CACNA1E: variants seen among roughly 807,000 people sequenced by gnomAD.
CACNA1E encodes the protein voltage-dependent R-type calcium channel subunit alpha-1E.
CACNA1E carries 40 observed loss-of-function variants against 259.2 expected under a neutral mutation model. The observed-to-expected ratio is 0.15, with a 90% confidence interval of 0.12 to 0.20. The LOEUF is 0.20. Among genes scored for constraint, CACNA1E ranks in the 10% least tolerant of loss-of-function variants. The probability of loss-of-function intolerance (pLI) is 1.00; values close to 1 mark genes in which losing one functional copy is unlikely to be tolerated. For missense variants in CACNA1E, 1,874 were observed against 3,040.1 expected (o/e 0.62, Z 9.02); for synonymous variants, 1,104 against 1,138.5 (o/e 0.97, Z 0.61).
chr1:181,478,288 G>A (rs2102440754), intron 2 of CACNA1E, among the ~76,000 whole-genome samples: 1 of 152,316 alleles, frequency 6.6e-6, no homozygotes, highest in Non-Finnish European at 1.5e-5. Flanking sequence ...ATAGCATGTT[G>A]GAGTGTGGGG....
intron 3 of CACNA1E, among the ~76,000 whole-genome samples, chr1:181,529,112 G>C (rs1667585018): frequency 6.6e-6 from 1 of 152,248 alleles, no homozygotes; most frequent in African/African-American, 2.4e-5. Flanking sequence ...TCCCTGTGCT[G>C]TATGCAGTTT....
intron 46 of CACNA1E, among the ~76,000 whole-genome samples, chr1:181,796,245 T>A (rs981237892): frequency 1.3e-5 from 2 of 152,194 alleles, no homozygotes; most frequent in African/African-American, 4.8e-5. Flanking sequence ...AGGATTCTTT[T>A]AGGGGCCTAT....
intron 7 of CACNA1E, among the ~76,000 whole-genome samples, chr1:181,667,335 A>T (rs997836838): frequency 6.6e-6 from 1 of 152,164 alleles, no homozygotes; most frequent in Non-Finnish European, 1.5e-5. Context: ...AGTAGGGAAG[A>T]TCACCTAGTA....
chr1:181,380,859 A>C (rs916525324), intron 1 of CACNA1E, among the ~76,000 whole-genome samples: 23 of 152,236 alleles, frequency 1.5e-4, no homozygotes, highest in African/African-American at 5.1e-4. Context: ...AATTTACCCA[A>C]GGGTAATGAA....
intron 6 of CACNA1E, among the ~76,000 whole-genome samples, chr1:181,585,021 T>C (rs2332357): frequency 0.12 from 14,037 of 120,420 alleles, 737 homozygotes; most frequent in South Asian, 0.25. Flanking sequence ...TCCCCCCCCC[T>C]GCCTCAAACA....
chr1:181,552,541 G>A (rs1648287662), intron 3 of CACNA1E, among the ~76,000 whole-genome samples: 1 of 149,594 alleles, frequency 6.7e-6, no homozygotes, highest in South Asian at 2.1e-4. Context: ...TTGTATGGAT[G>A]TGCTACAGTT....
chr1:181,556,866 A>T lies in CACNA1E; in HGVS notation c.513-20900A>T, dbSNP rs1178412422. The stretch of plus-strand genomic sequence containing the variant: ...AGAGGTGTGAAATGTGGGTTTGGAA[A>T]GAGAACCGAGGATAATTTGCTAGTT... On this transcript the variant is annotated intron_variant, in intron 3 of 47. Coordinates refer to ENST00000367573, the MANE Select transcript of CACNA1E (RefSeq NM_001205293.3). 2.6e-5 allele frequency among the ~76,000 whole-genome samples: 4 copies of T among 152,334 alleles called. No individual in the cohort carries two copies. The East Asian group carries it at 7.7e-4, about 29-fold the overall frequency.
At chr1:181,639,888 A>G (rs1037295739) in intron 6 of CACNA1E, among the ~76,000 whole-genome samples, 11 of 152,174 alleles carry the variant, frequency 7.2e-5, no homozygotes, top group Admixed American at 6.5e-5. Context: ...AGTAAAGAGA[A>G]GGGGGTTGGG....
intron 1 of CACNA1E, among the ~76,000 whole-genome samples, chr1:181,331,598 C>T (rs776592532): frequency 3.3e-5 from 5 of 152,180 alleles, no homozygotes; most frequent in East Asian, 1.9e-4. Context: ...CAGACTCACA[C>T]GCCAGTCTCC....
At chr1:181,538,749 G>A (rs1464000894) in intron 3 of CACNA1E, among the ~76,000 whole-genome samples, 2 of 152,146 alleles carry the variant, frequency 1.3e-5, no homozygotes, top group South Asian at 2.1e-4. Flanking sequence ...CATGGGAAAG[G>A]GCATTCAGTC....
At position 181,807,476 on chromosome 1, in the gene CACNA1E, C is replaced by T. The variant is rs907454909; in HGVS notation, c.*8642C>T. The T allele has an allele frequency of 6.6e-6, 1 of 152,066 alleles. No homozygotes were observed. Among genetic ancestry groups the T allele is most frequent in the African/African-American group, 2.4e-5 (1 of 41,402 alleles). 9.4% of individuals were successfully genotyped at this position (152,066 alleles called of 1,614,324 possible). On this transcript the variant is annotated 3_prime_UTR_variant, in exon 48 of 48. Coordinates refer to ENST00000367573, the MANE Select transcript of CACNA1E (RefSeq NM_001205293.3). ...CACTCCCCATTTAACTGCAATTGCTCCCTTGCCACAGGGAAAGCAGCAAGC... is the reference window on the plus strand; with the variant it reads ...CACTCCCCATTTAACTGCAATTGCTTCCTTGCCACAGGGAAAGCAGCAAGC...
intron 3 of CACNA1E, among the ~76,000 whole-genome samples, chr1:181,553,251 C>T (rs904128068): frequency 6.6e-6 from 1 of 152,066 alleles, no homozygotes; most frequent in Non-Finnish European, 1.5e-5. Flanking sequence ...GTATCTTATT[C>T]TTTTTGTAGC....
intron 1 of CACNA1E, among the ~76,000 whole-genome samples, chr1:181,340,683 T>A (rs1652080277): frequency 6.6e-6 from 1 of 152,184 alleles, no homozygotes; most frequent in Admixed American, 6.5e-5. Flanking sequence ...TATTACAGGG[T>A]TCCACATTGT....
At chr1:181,549,146 GGTGAAGGA>G (rs1311769035) in intron 3 of CACNA1E, among the ~76,000 whole-genome samples, 3 of 152,184 alleles carry the variant, frequency 2.0e-5, no homozygotes. Context: ...CCACAGGGAT[GGTGAAGGA>G]GTGGCGTCAG....
At chr1:181,794,521 C>A (rs189500672) in intron 45 of CACNA1E, among the ~76,000 whole-genome samples, 2 of 152,302 alleles carry the variant, frequency 1.3e-5, no homozygotes, top group African/African-American at 2.4e-5. Context: ...TGTTTCAAAG[C>A]AGCACAGTAT....
At position 181,776,457 on chromosome 1, in the gene CACNA1E, G is replaced by A. The variant is rs760629325; in HGVS notation, c.5267+229G>A. On this transcript the variant is annotated intron_variant, in intron 38 of 47. Transcript: ENST00000367573. The surrounding 1 kb of genome is among the most constrained non-coding windows in gnomAD (Gnocchi z 4.4). Reference sequence around the variant, plus strand: ...TTCTGTGACAGGGTTTTCCCTTTGTGGGCTGGTCTCATCATCCAGTCCTCA... The same window carrying A: ...TTCTGTGACAGGGTTTTCCCTTTGTAGGCTGGTCTCATCATCCAGTCCTCA... The A allele has an allele frequency of 4.3e-4, 211 of 490,242 alleles. 1 individual carries two copies. The highest frequency in any genetic ancestry group is 1.3e-3 in the Admixed American group (39 of 29,212). 30.4% of individuals were successfully genotyped at this position (490,242 alleles called of 1,614,324 possible).
chr1:181,633,793 C>G (rs1444620642), intron 6 of CACNA1E, among the ~76,000 whole-genome samples: 2 of 152,190 alleles, frequency 1.3e-5, no homozygotes, highest in Non-Finnish European at 2.9e-5. Flanking sequence ...TGCCTGGCCT[C>G]AAACTGTACT....
chr1:181,641,703 GTTTTTT>G (rs751082929), intron 6 of CACNA1E, among the ~76,000 whole-genome samples: 73 of 81,114 alleles, frequency 9.0e-4, no homozygotes, highest in African/African-American at 3.1e-3. Flanking sequence ...CTAATTTTTT[GTTTTTT>G]TTTTTTTTTT....
At chr1:181,590,888 T>C (rs965401719) in intron 6 of CACNA1E, among the ~76,000 whole-genome samples, 2 of 152,198 alleles carry the variant, frequency 1.3e-5, no homozygotes, top group East Asian at 3.8e-4. Flanking sequence ...GCAAGTTTTG[T>C]TTTTAAAATA....
Sources: gnomAD v4.1 joint callset for allele counts (sites outside exome capture counted in the v4.1 genomes callset) on GRCh38, gnomAD v4.1.1 for gene constraint, Gnocchi (gnomAD v3.1) non-coding constraint, MANE v1.5 for transcripts, NCBI Gene and HGNC (gene_info 2026-07-23, HGNC 2026-07-21) for gene names.